TANC2: variants seen among roughly 807,000 people sequenced by gnomAD.
TANC2 encodes the protein protein TANC2.
Under a neutral mutation model 210.5 loss-of-function variants are expected in TANC2, and 26 were observed. The ratio of observed to expected loss-of-function variants is 0.12; its 90% CI spans 0.09 to 0.17. The LOEUF is 0.17. TANC2 is among the 10% of genes least tolerant of loss of function. The pLI, the probability that TANC2 is intolerant of heterozygous loss-of-function variation, is 1.00. For synonymous variants in TANC2, 931 were observed against 967.1 expected (o/e 0.96, Z 0.69); for missense variants, 2,129 against 2,608.9 (o/e 0.82, Z 4.01).
intron 2 of TANC2, among the ~76,000 whole-genome samples, chr17:63,030,571 A>G (rs1309813348): frequency 2.0e-5 from 3 of 152,060 alleles, no homozygotes; most frequent in Non-Finnish European, 4.4e-5. Flanking sequence ...CTTTCCAGAC[A>G]GACACCCCAT....
chr17:63,016,672 T>C (rs145987855), intron 2 of TANC2, among the ~76,000 whole-genome samples: 118 of 152,310 alleles, frequency 7.7e-4, no homozygotes, highest in African/African-American at 2.6e-3. Flanking sequence ...TAATATTCTT[T>C]CTGTCATGGC....
At chr17:63,257,378 G>C (rs566524049) in intron 8 of TANC2, among the ~76,000 whole-genome samples, 37 of 152,090 alleles carry the variant, frequency 2.4e-4, no homozygotes, top group African/African-American at 8.2e-4. Context: ...TTGTTTTTGA[G>C]ATAGGGTCTC....
intron 1 of TANC2, among the ~76,000 whole-genome samples, chr17:62,975,944 C>T (rs947900704): frequency 1.3e-5 from 2 of 152,144 alleles, no homozygotes; most frequent in Non-Finnish European, 2.9e-5. Flanking sequence ...GGCATTGTCA[C>T]TCCAGCTTTT....
chr17:63,025,611 C>T (rs932442410), intron 2 of TANC2, among the ~76,000 whole-genome samples: 3 of 151,792 alleles, frequency 2.0e-5, no homozygotes, highest in African/African-American at 7.3e-5. Flanking sequence ...GCCTGGGCGA[C>T]GTGGCGAAAC....
chr17:63,218,716 C>G (rs1282907535), intron 7 of TANC2, among the ~76,000 whole-genome samples: 1 of 151,816 alleles, frequency 6.6e-6, no homozygotes, highest in Admixed American at 6.6e-5. Context: ...GCCAACATGG[C>G]GAAACCTCCT....
intron 11 of TANC2, among the ~76,000 whole-genome samples, chr17:63,321,474 T>G (rs1213068465): frequency 6.6e-6 from 1 of 152,210 alleles, no homozygotes; most frequent in African/African-American, 2.4e-5. Flanking sequence ...AAAAACTGAT[T>G]AGAAGCTTGT....
At chr17:63,237,782 T>G (rs1170553175) in intron 7 of TANC2, 32 bp from the exon 8 acceptor site, 1 of 1,516,920 alleles carries the variant, frequency 6.6e-7, no homozygotes, top group Non-Finnish European at 8.8e-7. Flanking sequence ...GTATGTGGCT[T>G]TATTAAATTC....
intron 14 of TANC2, among the ~76,000 whole-genome samples, chr17:63,359,103 A>G (rs1314844596): frequency 6.6e-6 from 1 of 151,506 alleles, no homozygotes. Flanking sequence ...TCACTCTGTC[A>G]CTCAGGCTGG....
intron 14 of TANC2, among the ~76,000 whole-genome samples, chr17:63,368,648 G>A (rs569476645): frequency 6.6e-6 from 1 of 152,156 alleles, no homozygotes; most frequent in East Asian, 1.9e-4. Flanking sequence ...ACCTTGTACT[G>A]CAATAAGGCA....
chr17:63,377,335 C>A (rs1042098604), intron 14 of TANC2, among the ~76,000 whole-genome samples: 1 of 152,170 alleles, frequency 6.6e-6, no homozygotes, highest in Non-Finnish European at 1.5e-5. Context: ...TGTCAGGCTG[C>A]AAATTTTTCA....
At chr17:63,020,956 T>G (rs1278563274) in intron 2 of TANC2, among the ~76,000 whole-genome samples, 1 of 151,972 alleles carries the variant, frequency 6.6e-6, no homozygotes, top group African/African-American at 2.4e-5. Flanking sequence ...CAACCAGCTC[T>G]TACATGAACG....
intron 1 of TANC2, among the ~76,000 whole-genome samples, chr17:62,988,791 G>A (rs2032707345): frequency 6.6e-6 from 1 of 152,146 alleles, no homozygotes; most frequent in African/African-American, 2.4e-5. Flanking sequence ...TCAGCACTCA[G>A]GTATGGCTTT....
chr17:62,966,330 C>T lies in TANC2; in HGVS notation c.-443C>T, dbSNP rs1435534030. Among the ~76,000 whole-genome samples the T allele has an allele frequency of 4.1e-5, 6 of 146,624 alleles. 1 individual carries two copies. Among genetic ancestry groups the T allele is most frequent in the Admixed American group, 3.4e-4 (5 of 14,802 alleles). On this transcript the variant is annotated 5_prime_UTR_variant, in exon 1 of 28. Coordinates refer to ENST00000689528, the Ensembl canonical transcript of TANC2. The surrounding 1 kb of genome is among the most constrained non-coding windows in gnomAD (Gnocchi z 5.1). Reference sequence around the variant, plus strand: ...AGCCGCCTCGCGCGAGCCGCCCGCCCGGCGGGGGAAGCTGCGAGCGCTCCG... The same window carrying T: ...AGCCGCCTCGCGCGAGCCGCCCGCCTGGCGGGGGAAGCTGCGAGCGCTCCG...
At chr17:63,078,259 A>G (rs2036640996) in intron 3 of TANC2, among the ~76,000 whole-genome samples, 1 of 152,166 alleles carries the variant, frequency 6.6e-6, no homozygotes, top group Admixed American at 6.5e-5. Flanking sequence ...CATAATCTGT[A>G]GTGATGTAAG....
intron 5 of TANC2, among the ~76,000 whole-genome samples, chr17:63,192,725 A>G (rs1254155992): frequency 6.6e-6 from 1 of 152,228 alleles, no homozygotes; most frequent in African/African-American, 2.4e-5. Flanking sequence ...TCTACCTTAG[A>G]AAGTGGAATC....
chr17:63,120,482 A>T (rs1171016226), intron 4 of TANC2, among the ~76,000 whole-genome samples: 4 of 152,146 alleles, frequency 2.6e-5, no homozygotes, highest in Non-Finnish European at 5.9e-5. Context: ...ATTTCAAACT[A>T]GTTTGACAAC....
chr17:63,070,881 A>T (rs2036372343), intron 2 of TANC2, among the ~76,000 whole-genome samples: 1 of 152,092 alleles, frequency 6.6e-6, no homozygotes, highest in Non-Finnish European at 1.5e-5. Context: ...AGATTTTTTT[A>T]AAAAACATTA....
chr17:63,206,971 A>G (rs1483566367), intron 7 of TANC2, among the ~76,000 whole-genome samples: 1 of 152,026 alleles, frequency 6.6e-6, no homozygotes, highest in Non-Finnish European at 1.5e-5. Flanking sequence ...ATACCTGACT[A>G]CCTCTCTTAC....
Position 63,388,629 on chromosome 17 carries a change from A to G in TANC2, c.2692-6A>G. The stretch of plus-strand genomic sequence containing the variant: ...ACTAATTTAATTGTCTGTATTTCTT[A>G]TTCAGGGTTTGAGTAAAAAAGTTGG... On this transcript the variant is annotated splice_region_variant and splice_polypyrimidine_tract_variant and intron_variant, in intron 15 of 27. Transcript: ENST00000689528. 6.3e-7 allele frequency: 1 copy of G among 1,599,336 alleles called. No homozygotes were observed. The highest frequency in any genetic ancestry group is 8.5e-7 in the Non-Finnish European group (1 of 1,172,884).
Sources: gnomAD v4.1 joint callset for allele counts (sites outside exome capture counted in the v4.1 genomes callset) on GRCh38, gnomAD v4.1.1 for gene constraint, Gnocchi (gnomAD v3.1) non-coding constraint, MANE v1.5 for transcripts, NCBI Gene and HGNC (gene_info 2026-07-23, HGNC 2026-07-21) for gene names.